Variants in PTK2B observed in about 807,000 individuals in gnomAD.
PTK2B encodes protein tyrosine kinase 2 beta.
A neutral mutation model predicts 142.9 loss-of-function variants in PTK2B; 71 were observed. The observed-to-expected ratio is 0.50, with a 90% CI of 0.41 to 0.61. PTK2B has a LOEUF of 0.61. Among genes scored for constraint, PTK2B ranks in the 20% least tolerant of loss-of-function variants. The pLI, the probability that PTK2B is intolerant of heterozygous loss-of-function variation, is 0.00. For synonymous variants in PTK2B, 519 were observed against 503.4 expected (o/e 1.03, Z -0.42); for missense variants, 1,105 against 1,320.4 (o/e 0.84, Z 2.53).
At chr8:27,376,212 G>T (rs1042381595) in intron 1 of PTK2B, among the ~76,000 whole-genome samples, 2 of 152,224 alleles carry the variant, frequency 1.3e-5, no homozygotes, top group Non-Finnish European at 2.9e-5. Flanking sequence ...GTGGGTTCAG[G>T]CCAGGCCAAT....
intron 1 of PTK2B, among the ~76,000 whole-genome samples, chr8:27,354,083 G>C (rs1805259631): frequency 6.6e-6 from 1 of 152,080 alleles, no homozygotes; most frequent in Non-Finnish European, 1.5e-5. Flanking sequence ...CACATCTCTG[G>C]CTGTCATTAC....
At position 27,434,140 on chromosome 8, in the gene PTK2B, C is replaced by A. The variant is rs776299191; in HGVS notation, c.1145+8C>A. ...GCCCCAGATCCCCATGCTGTGAGTACAATGGGGTGCAGAGGACAGGGCCCT... is the reference window on the plus strand; with the variant it reads ...GCCCCAGATCCCCATGCTGTGAGTAAAATGGGGTGCAGAGGACAGGGCCCT... On this transcript the variant is annotated splice_region_variant and intron_variant, in intron 12 of 30. Coordinates refer to ENST00000346049, the MANE Select transcript of PTK2B (RefSeq NM_173176.3). The A allele has an allele frequency of 1.2e-5, 19 of 1,613,400 alleles. No individual in the cohort carries two copies. Among genetic ancestry groups the A allele is most frequent in the Non-Finnish European group, 1.5e-5 (18 of 1,179,346 alleles).
intron 1 of PTK2B, among the ~76,000 whole-genome samples, chr8:27,352,617 C>T (rs576500191): frequency 2.0e-5 from 3 of 152,308 alleles, no homozygotes; most frequent in South Asian, 2.1e-4. Context: ...CTTGAATTCT[C>T]ATGTGTTGTG....
chr8:27,411,706 C>A (rs964025340), intron 2 of PTK2B, among the ~76,000 whole-genome samples: 6 of 152,178 alleles, frequency 3.9e-5, no homozygotes, highest in Non-Finnish European at 8.8e-5. Flanking sequence ...TTTCCCCCAC[C>A]TTCTGTGTGC....
chr8:27,431,108 G>C, intron 8 of PTK2B, 92 bp downstream of exon 8: 1 of 1,525,860 alleles, frequency 6.6e-7, no homozygotes, highest in Non-Finnish European at 8.9e-7. Flanking sequence ...GGCTGCAATC[G>C]CTGCAGATTC....
At chr8:27,344,115 T>A (rs560575272) in intron 1 of PTK2B, among the ~76,000 whole-genome samples, 1 of 152,330 alleles carries the variant, frequency 6.6e-6, no homozygotes, top group South Asian at 2.1e-4. Flanking sequence ...TTCCTGCCTA[T>A]ATTTTACTCT....
In PTK2B at chr8:27,442,927, C is replaced by A. The variant is rs144604358; in HGVS notation, c.2092C>A (p.Arg698Ser). 2.3e-5 allele frequency: 37 copies of A among 1,614,056 alleles called. 1 individual carries two copies. Among genetic ancestry groups the A allele is most frequent in the Admixed American group, 3.3e-5 (2 of 60,006 alleles). ...DIAMEQERNA[R>S]YRTPKILEPT... ...TGCCATGGAGCAAGAGAGGAATGCTCGCTACCGAACCCCCAAAATCTTGGA... is the reference window on the plus strand; with the variant it reads ...TGCCATGGAGCAAGAGAGGAATGCTAGCTACCGAACCCCCAAAATCTTGGA... Residue 698 changes from arginine to serine, a missense_variant, in exon 22 of 31, where the codon CGC becomes AGC. Arg to Ser is a moderately radical substitution (Grantham distance 110). Transcript: ENST00000346049.
chr8:27,409,793 C>G (rs1808944723), intron 2 of PTK2B, among the ~76,000 whole-genome samples: 1 of 152,180 alleles, frequency 6.6e-6, no homozygotes, highest in Non-Finnish European at 1.5e-5. Flanking sequence ...GCGATATCAG[C>G]TCACTGCAAC....
intron 1 of PTK2B, among the ~76,000 whole-genome samples, chr8:27,390,221 G>C (rs1176356635): frequency 1.3e-5 from 2 of 152,208 alleles, no homozygotes; most frequent in Non-Finnish European, 2.9e-5. Context: ...TGGGGCAGGT[G>C]CATGGAGGAA....
intron 1 of PTK2B, among the ~76,000 whole-genome samples, chr8:27,349,451 C>A (rs983669720): frequency 6.6e-6 from 1 of 152,218 alleles, no homozygotes; most frequent in Admixed American, 6.5e-5. Flanking sequence ...ATCTCTGCCT[C>A]TTTGTTCTTC....
In PTK2B at chr8:27,430,400, G is replaced by A; in HGVS notation, c.651G>A (p.Gln217=). The change falls in exon 7 of 31, where the codon CAG becomes CAA. Residue 217 remains glutamine, a synonymous_variant. Coordinates refer to ENST00000346049, the MANE Select transcript of PTK2B (RefSeq NM_173176.3). The part of the protein sequence containing the change: ...EVGLDLFFPK[Q]MQENLKPKQF... ...GGCTGGACTTGTTTTTCCCAAAGCAGATGCAGGAGAACTTAAAGGTGAGGA... is the reference window on the plus strand; with the variant it reads ...GGCTGGACTTGTTTTTCCCAAAGCAAATGCAGGAGAACTTAAAGGTGAGGA... The A allele has an allele frequency of 6.2e-7, 1 of 1,614,192 alleles. No individual in the cohort carries two copies. Among genetic ancestry groups the A allele is most frequent in the Non-Finnish European group, 8.5e-7 (1 of 1,180,038 alleles).
chr8:27,334,813 C>T (rs1193156212), intron 1 of PTK2B, among the ~76,000 whole-genome samples: 2 of 152,118 alleles, frequency 1.3e-5, no homozygotes, highest in Non-Finnish European at 2.9e-5. Flanking sequence ...GAATTCTTGC[C>T]CTGTGGTTAG....
intron 2 of PTK2B, among the ~76,000 whole-genome samples, chr8:27,413,600 CTCT>C (rs1158868546): frequency 6.6e-6 from 1 of 152,202 alleles, no homozygotes; most frequent in Non-Finnish European, 1.5e-5. Context: ...CCTTGCTGCT[CTCT>C]TCTTGGTGCA....
chr8:27,338,024 C>G (rs898051715), intron 1 of PTK2B, among the ~76,000 whole-genome samples: 34 of 152,290 alleles, frequency 2.2e-4, no homozygotes, highest in Non-Finnish European at 7.3e-5. Flanking sequence ...CTCGCCAACA[C>G]TTGTTGTTGT....
intron 5 of PTK2B, among the ~76,000 whole-genome samples, chr8:27,423,358 G>T (rs1586290378): frequency 6.6e-6 from 1 of 152,124 alleles, no homozygotes; most frequent in East Asian, 1.9e-4. Flanking sequence ...CCCCTTCTCT[G>T]TCTTAGAGCA....
chr8:27,360,682 G>A (rs550318946), intron 1 of PTK2B, among the ~76,000 whole-genome samples: 2 of 152,296 alleles, frequency 1.3e-5, no homozygotes, highest in East Asian at 3.9e-4. Context: ...CCAATACACT[G>A]TGAACTACCA....
At chr8:27,439,629 A>G (rs564637123) in intron 20 of PTK2B, among the ~76,000 whole-genome samples, 74 of 152,110 alleles carry the variant, frequency 4.9e-4, no homozygotes, top group African/African-American at 1.7e-3. Flanking sequence ...TTCCTGGAAG[A>G]GGCTCTTGTG....
At chr8:27,433,199 C>T (rs371462000) in intron 10 of PTK2B, among the ~76,000 whole-genome samples, 40 of 152,358 alleles carry the variant, frequency 2.6e-4, no homozygotes, top group African/African-American at 9.1e-4. Context: ...GTGCTATGTG[C>T]TCAGAGGCCA....
At chr8:27,419,808 A>G (rs1809630071) in intron 2 of PTK2B, 87 bp from the exon 3 acceptor site, 10 of 1,428,014 alleles carry the variant, frequency 7.0e-6, no homozygotes, top group Non-Finnish European at 9.6e-6. Flanking sequence ...CCCACCCTAG[A>G]GAATCCCACT....
Sources: gnomAD v4.1 joint callset for allele counts (sites outside exome capture counted in the v4.1 genomes callset) on GRCh38, gnomAD v4.1.1 for gene constraint, MANE v1.5 for transcripts, NCBI Gene and HGNC (gene_info 2026-07-23, HGNC 2026-07-21) for gene names.